RALYL: variants seen among roughly 807,000 people sequenced by gnomAD.
RALYL encodes the protein RALY RNA binding protein like.
RALYL carries 29 observed loss-of-function variants against 35.1 expected under a neutral mutation model. That is an observed-to-expected ratio of 0.83 (90% CI 0.61 to 1.13). RALYL has a LOEUF of 1.13. RALYL is among the 50% of genes most tolerant of loss of function. The pLI is 0.00. For missense variants in RALYL, 359 were observed against 360.4 expected (o/e 1.00, Z 0.03); for synonymous variants, 120 against 127.6 (o/e 0.94, Z 0.40).
At chr8:84,480,755 G>T (rs1165530000) in intron 1 of RALYL, among the ~76,000 whole-genome samples, 2 of 152,088 alleles carry the variant, frequency 1.3e-5, no homozygotes, top group Non-Finnish European at 2.9e-5. Flanking sequence ...TAGCAGAGAT[G>T]ACTTTTATAT....
chr8:84,288,377 T>C (rs1838081010), intron 1 of RALYL, among the ~76,000 whole-genome samples: 1 of 152,192 alleles, frequency 6.6e-6, no homozygotes, highest in Non-Finnish European at 1.5e-5. Context: ...ATATCTGTCA[T>C]GTCATCATTG....
chr8:84,745,190 A>G (rs1421151218), intron 2 of RALYL, among the ~76,000 whole-genome samples: 1 of 150,848 alleles, frequency 6.6e-6, no homozygotes, highest in African/African-American at 2.4e-5. Context: ...CCCTCCCTCT[A>G]CTCCTTCACA....
intron 4 of RALYL, among the ~76,000 whole-genome samples, chr8:84,828,055 A>T (rs1034373241): frequency 5.9e-5 from 9 of 152,138 alleles, no homozygotes; most frequent in African/African-American, 2.2e-4. Flanking sequence ...TTTGTCCATA[A>T]TAGGATCAAC....
intron 6 of RALYL, among the ~76,000 whole-genome samples, chr8:84,865,633 G>T (rs1839038869): frequency 6.6e-6 from 1 of 152,070 alleles, no homozygotes; most frequent in Non-Finnish European, 1.5e-5. Flanking sequence ...ATGTGACATT[G>T]CAGATTAGCA....
intron 2 of RALYL, among the ~76,000 whole-genome samples, chr8:84,599,706 C>G (rs1038086797): frequency 3.9e-5 from 6 of 151,976 alleles, no homozygotes; most frequent in Non-Finnish European, 8.8e-5. Context: ...TCTTTTCACC[C>G]TCTCCCTCAA....
intron 4 of RALYL, among the ~76,000 whole-genome samples, chr8:84,805,414 C>A (rs997623500): frequency 1.3e-5 from 2 of 152,080 alleles, no homozygotes; most frequent in African/African-American, 4.8e-5. Context: ...GTTGGCCAGG[C>A]GCGGTGGTTC....
intron 8 of RALYL, among the ~76,000 whole-genome samples, chr8:84,888,633 A>G (rs16913400): frequency 0.024 from 3,588 of 152,272 alleles, 146 homozygotes; most frequent in African/African-American, 0.081. Context: ...TCATTTTGTC[A>G]TGGTGCTTGT....
intron 1 of RALYL, among the ~76,000 whole-genome samples, chr8:84,268,863 G>T (rs773483003): frequency 8.5e-5 from 13 of 152,154 alleles, no homozygotes; most frequent in African/African-American, 3.1e-4. Flanking sequence ...CATAAGGCAA[G>T]GGAAGCATAT....
intron 2 of RALYL, among the ~76,000 whole-genome samples, chr8:84,748,367 G>T (rs1197335702): frequency 6.6e-6 from 1 of 151,990 alleles, no homozygotes; most frequent in African/African-American, 2.4e-5. Context: ...ATGAAAGATG[G>T]ATAAGATAGG....
intron 1 of RALYL, among the ~76,000 whole-genome samples, chr8:84,413,706 G>C (rs2044331172): frequency 6.6e-6 from 1 of 151,918 alleles, no homozygotes; most frequent in Non-Finnish European, 1.5e-5. Context: ...TCAAAGTAAA[G>C]GATAAATCCA....
intron 1 of RALYL, among the ~76,000 whole-genome samples, chr8:84,320,591 T>C (rs1844618889): frequency 6.6e-6 from 1 of 152,050 alleles, no homozygotes; most frequent in South Asian, 2.1e-4. Context: ...AGAATTTAAA[T>C]GTTAGTTGTT....
chr8:84,874,604 A>G (rs1466091437), intron 7 of RALYL, among the ~76,000 whole-genome samples: 2 of 152,184 alleles, frequency 1.3e-5, no homozygotes, highest in Non-Finnish European at 2.9e-5. Context: ...TTGTTGACTC[A>G]TATCACTGGG....
At chr8:84,540,253 G>C (rs1224370877) in intron 2 of RALYL, among the ~76,000 whole-genome samples, 1 of 151,036 alleles carries the variant, frequency 6.6e-6, no homozygotes, top group South Asian at 2.1e-4. Flanking sequence ...ATGGTAGGTA[G>C]CTTTGTCTCA....
intron 1 of RALYL, among the ~76,000 whole-genome samples, chr8:84,409,477 CT>C (rs1192148261): frequency 6.6e-6 from 1 of 151,906 alleles, no homozygotes; most frequent in African/African-American, 2.4e-5. Context: ...GTTGGTCCAC[CT>C]GATTTTAAGT....
intron 2 of RALYL, among the ~76,000 whole-genome samples, chr8:84,578,556 A>G (rs559443342): frequency 6.6e-6 from 1 of 152,346 alleles, no homozygotes; most frequent in Admixed American, 6.5e-5. Flanking sequence ...ATTGCATGAC[A>G]GAACAGCTCT....
chr8:84,380,624 C>T, intron 1 of RALYL, among the ~76,000 whole-genome samples: 1 of 151,900 alleles, frequency 6.6e-6, no homozygotes, highest in East Asian at 1.9e-4. Flanking sequence ...AACCACATGT[C>T]TGTTCCTGTT....
Position 84,334,236 on chromosome 8 carries a change from T to G in RALYL, c.-24+149812T>G, listed in dbSNP as rs192119305. On this transcript the variant is annotated intron_variant, in intron 1 of 8. Coordinates refer to ENST00000521268, the MANE Select transcript of RALYL (RefSeq NM_173848.7). The stretch of plus-strand genomic sequence containing the variant: ...AAAAATCAGTTTTAGCACTTTTATC[T>G]CACCATATTCAGTACTTTAAATCAG... 2.2e-3 allele frequency among the ~76,000 whole-genome samples: 337 copies of G among 152,206 alleles called. 2 individuals are homozygous for G. The highest frequency in any genetic ancestry group is 7.6e-3 in the African/African-American group (317 of 41,544).
At chr8:84,777,993 G>A (rs112457933) in intron 3 of RALYL, among the ~76,000 whole-genome samples, 21 of 152,116 alleles carry the variant, frequency 1.4e-4, no homozygotes, top group African/African-American at 5.1e-4. Context: ...CTTTTTACTC[G>A]GTCATTCATT....
intron 8 of RALYL, among the ~76,000 whole-genome samples, chr8:84,914,793 G>A (rs1414116572): frequency 2.0e-5 from 3 of 151,906 alleles, no homozygotes; most frequent in Non-Finnish European, 2.9e-5. Context: ...TACAAATCAG[G>A]GAAAAGCAGG....
Sources: gnomAD v4.1 joint callset for allele counts (sites outside exome capture counted in the v4.1 genomes callset) on GRCh38, gnomAD v4.1.1 for gene constraint, MANE v1.5 for transcripts, NCBI Gene and HGNC (gene_info 2026-07-23, HGNC 2026-07-21) for gene names.